CDH9: variants seen among roughly 807,000 people sequenced by gnomAD.
The protein encoded by CDH9 is cadherin 9.
CDH9 carries 28 observed loss-of-function variants against 70.9 expected under a neutral mutation model. The ratio of observed to expected loss-of-function variants is 0.40; its 90% CI spans 0.29 to 0.54. The LOEUF is 0.54. Ranked by LOEUF, CDH9 falls within the 20% of genes least tolerant of loss-of-function variation. The pLI is 0.59. For missense variants in CDH9, 874 were observed against 984.4 expected (o/e 0.89, Z 1.50); for synonymous variants, 409 against 343.1 (o/e 1.19, Z -2.12).
intron 4 of CDH9, 131 bp downstream of exon 4, chr5:26,906,588 T>C: frequency 1.5e-6 from 2 of 1,340,196 alleles, no homozygotes; most frequent in Non-Finnish European, 2.0e-6. Flanking sequence ...TTACATCCAA[T>C]AATGACAGGA....
intron 2 of CDH9, among the ~76,000 whole-genome samples, chr5:26,983,940 T>C (rs1742446703): frequency 1.3e-5 from 2 of 152,158 alleles, no homozygotes; most frequent in South Asian, 4.1e-4. Context: ...TAATACTTAG[T>C]GCACAAACTA....
rs41271091 is a variant in CDH9 at position 26,886,091 on chromosome 5, C to G, written c.1513-8G>C. The G allele has an allele frequency of 1.9e-6, 3 of 1,579,500 alleles. No individual in the cohort carries two copies. Among genetic ancestry groups the G allele is most frequent in the Non-Finnish European group, 1.7e-6 (2 of 1,169,464 alleles). On this transcript the variant is annotated splice_region_variant and splice_polypyrimidine_tract_variant and intron_variant, in intron 9 of 11. Transcript: ENST00000231021. Reference sequence around the variant, plus strand: ...ACTGACAGTCTGAATCAACTGAAACCAAAATTAATTAATTAATTAATTAAG... The same window carrying G: ...ACTGACAGTCTGAATCAACTGAAACGAAAATTAATTAATTAATTAATTAAG...
chr5:26,993,879 G>C (rs138383094), intron 1 of CDH9, among the ~76,000 whole-genome samples: 141 of 152,106 alleles, frequency 9.3e-4, no homozygotes, highest in African/African-American at 3.2e-3. Context: ...CATGGGGATG[G>C]GACTGCCACC....
At chr5:26,925,873 C>T (rs1039250589) in intron 2 of CDH9, among the ~76,000 whole-genome samples, 3 of 152,000 alleles carry the variant, frequency 2.0e-5, no homozygotes, top group Admixed American at 6.6e-5. Flanking sequence ...GCAGAAAAGG[C>T]CTTTGACAAA....
intron 7 of CDH9, among the ~76,000 whole-genome samples, chr5:26,896,454 A>C (rs59440493): frequency 0.035 from 4,918 of 138,998 alleles, 173 homozygotes; most frequent in African/African-American, 0.09. Context: ...TATACATGAT[A>C]GTATATCATT....
intron 1 of CDH9, among the ~76,000 whole-genome samples, chr5:27,032,528 G>A (rs1488445536): frequency 6.6e-6 from 1 of 151,502 alleles, no homozygotes; most frequent in Non-Finnish European, 1.5e-5. Context: ...ACTTAGGGGA[G>A]GCAGAAAACT....
intron 1 of CDH9, among the ~76,000 whole-genome samples, chr5:26,995,230 A>G (rs1411009396): frequency 1.3e-5 from 2 of 152,232 alleles, no homozygotes; most frequent in Non-Finnish European, 2.9e-5. Context: ...AATGCCTAAT[A>G]TAAATAATTA....
At chr5:26,900,233 A>C (rs535447122) in intron 7 of CDH9, among the ~76,000 whole-genome samples, 3 of 152,056 alleles carry the variant, frequency 2.0e-5, no homozygotes, top group Non-Finnish European at 4.4e-5. Flanking sequence ...ACAGCCCCAA[A>C]TATTGTCATT....
At chr5:27,030,036 G>A (rs1035162484) in intron 1 of CDH9, among the ~76,000 whole-genome samples, 8 of 152,076 alleles carry the variant, frequency 5.3e-5, no homozygotes, top group African/African-American at 1.9e-4. Context: ...AGTATACAAG[G>A]ATATCCTTTG....
intron 11 of CDH9, among the ~76,000 whole-genome samples, chr5:26,882,641 A>C (rs993117305): frequency 2.6e-5 from 4 of 152,078 alleles, no homozygotes; most frequent in Admixed American, 1.3e-4. Flanking sequence ...AAAGGTGAGA[A>C]TAAAACCAAG....
chr5:27,037,243 G>C (rs1361154804), intron 1 of CDH9, among the ~76,000 whole-genome samples: 1 of 151,792 alleles, frequency 6.6e-6, no homozygotes, highest in African/African-American at 2.4e-5. Context: ...CACTTTTTTT[G>C]ATGTCACAAA....
At chr5:26,971,678 T>C (rs10063853) in intron 2 of CDH9, among the ~76,000 whole-genome samples, 70,590 of 152,008 alleles carry the variant, frequency 0.46, 17,255 homozygotes, top group Non-Finnish European at 0.53. Flanking sequence ...TGTGTGTGTA[T>C]ACATGCCTGC....
rs1197811826 is a variant in CDH9, at chr5:27,027,340, G to T, written c.-50+11123C>A. Among the ~76,000 whole-genome samples, 3 of 151,904 alleles carry T rather than the reference G, an allele frequency of 2.0e-5. No homozygotes were observed. The East Asian group carries it at 5.8e-4, about 29-fold the overall frequency. ...TCAGACTTAGCCTATCTAATTTCAA[G>T]AACAATGAAATTAATCATTAAATTA... On this transcript the variant is annotated intron_variant, in intron 1 of 11. Transcript: ENST00000231021.
Position 26,885,615 on chromosome 5 carries a change from A to T in CDH9, c.1881T>A (p.Leu627=), listed in dbSNP as rs1478172616. The T allele has an allele frequency of 6.2e-7, 1 of 1,612,564 alleles. No individual in the cohort carries two copies. The highest frequency in any genetic ancestry group is 1.1e-5 in the South Asian group (1 of 91,030). The change falls in exon 11 of 12, where the codon CTT becomes CTA. Residue 627 remains leucine (L), a splice_region_variant and synonymous_variant. Coordinates refer to ENST00000231021, the MANE Select transcript of CDH9 (RefSeq NM_016279.4). ...VAILLCVLIL[L]ILVVLFAALK... is the part of the protein sequence containing the mutation. The stretch of plus-strand genomic sequence containing the variant: ...ATCATTCAGAGGGGCAGAGCTTACT[A>T]AGCAGTATGAGGACACAGAGTAGAA...
rs562182258 is a variant in CDH9 at position 26,889,644 on chromosome 5, A to G, written c.1512+192T>C. On this transcript the variant is annotated intron_variant, in intron 9 of 11. Transcript: ENST00000231021. ...TATAATATTCCCTACTATATTATTG[A>G]TTCCATTATAAAAACATTTTTAAAT... Among the ~76,000 whole-genome samples the G allele has an allele frequency of 1.7e-4, 26 of 150,790 alleles. No homozygotes were observed. The South Asian group carries it at 5.6e-3, about 32-fold the overall frequency.
chr5:27,011,759 T>C (rs1742963588), intron 1 of CDH9, among the ~76,000 whole-genome samples: 1 of 152,074 alleles, frequency 6.6e-6, no homozygotes, highest in South Asian at 2.1e-4. Context: ...AGAGTTAATA[T>C]GAATAGTTTT....
rs146988201 is a variant in CDH9 at position 26,906,816 on chromosome 5, A to C, written c.546T>G (p.Thr182=). The change falls in exon 4 of 12, where the codon ACT becomes ACG. Residue 182 remains threonine, a synonymous_variant. Coordinates refer to ENST00000231021, the MANE Select transcript of CDH9 (RefSeq NM_016279.4). ...AGTTGGCGTCATCTGCATCTGTTGC[A>C]GTTACTTGTATAACAGATGTACCTA... ...SGVGTSVIQV[T]ATDADDANYG... The C allele has an allele frequency of 8.9e-5, 143 of 1,612,868 alleles. No homozygotes were observed. Among genetic ancestry groups the C allele is most frequent in the Non-Finnish European group, 1.5e-5 (18 of 1,179,362 alleles).
intron 7 of CDH9, among the ~76,000 whole-genome samples, chr5:26,899,994 C>T (rs767405610): frequency 1.2e-4 from 18 of 151,178 alleles, no homozygotes; most frequent in Non-Finnish European, 2.4e-4. Context: ...TAAAAGTTAA[C>T]AATATTAAAG....
At position 26,905,963 on chromosome 5, in the gene CDH9, G is replaced by T; in HGVS notation, c.807C>A (p.Pro269=). The T allele has an allele frequency of 5.6e-6, 9 of 1,612,466 alleles. No individual in the cohort carries two copies. Among genetic ancestry groups the T allele is most frequent in the Non-Finnish European group, 7.6e-6 (9 of 1,178,828 alleles). ...GATCACTGAAACATTTCTTACTCTGGGGAAATCGAGGAGGGTTGTTGTTGA... is the reference window on the plus strand; with the variant it reads ...GATCACTGAAACATTTCTTACTCTGTGGAAATCGAGGAGGGTTGTTGTTGA... The part of the protein sequence containing the change: ...TDVNNNPPRF[P]QSTYQFNSPE... Residue 269 remains proline (P), a synonymous_variant, in exon 5 of 12, where the codon CCC becomes CCA. Coordinates refer to ENST00000231021, the MANE Select transcript of CDH9 (RefSeq NM_016279.4).
Sources: gnomAD v4.1 joint callset for allele counts (sites outside exome capture counted in the v4.1 genomes callset) on GRCh38, gnomAD v4.1.1 for gene constraint, MANE v1.5 for transcripts, NCBI Gene and HGNC (gene_info 2026-07-23, HGNC 2026-07-21) for gene names.